Variants in ASTN2 observed in about 807,000 individuals in gnomAD.
ASTN2 encodes astrotactin 2, also known as astrotactin-2.
In ASTN2, 54 loss-of-function variants were observed where a neutral mutation model predicts 139.8. The ratio of observed to expected loss-of-function variants is 0.39; its 90% CI spans 0.31 to 0.48. The LOEUF is 0.48. ASTN2 is among the 20% of genes least tolerant of loss of function. The probability of loss-of-function intolerance (pLI) is 0.95; values close to 1 mark genes in which losing one functional copy is unlikely to be tolerated. For missense variants in ASTN2, 1,565 were observed against 1,725.1 expected, an observed-to-expected ratio of 0.91 and a Z score of 1.64; for synonymous variants, 756 against 719.5, an observed-to-expected ratio of 1.05 and a Z score of -0.81.
intron 19 of ASTN2, among the ~76,000 whole-genome samples, chr9:116,510,031 TTGGCTTTTGTTG>T (rs1850299587): frequency 6.6e-6 from 1 of 152,234 alleles, no homozygotes; most frequent in African/African-American, 2.4e-5. Flanking sequence ...TTTGTCATTT[TTGGCTTTTGTTG>T]CCATTGCTTT....
chr9:117,145,021 C>A (rs1239872797), intron 3 of ASTN2, among the ~76,000 whole-genome samples: 1 of 151,902 alleles, frequency 6.6e-6, no homozygotes, highest in Non-Finnish European at 1.5e-5. Flanking sequence ...CTCAGGGGTA[C>A]AAGTACAGGT....
chr9:117,025,858 C>T (rs1838058347), intron 6 of ASTN2, among the ~76,000 whole-genome samples: 1 of 149,040 alleles, frequency 6.7e-6, no homozygotes, highest in Non-Finnish European at 1.5e-5. Flanking sequence ...GTCGCGTGAT[C>T]TTGGCTCACT....
intron 10 of ASTN2, among the ~76,000 whole-genome samples, chr9:116,951,366 A>AAAAAAAC (rs1564357096): frequency 6.7e-6 from 1 of 149,414 alleles, no homozygotes; most frequent in Non-Finnish European, 1.5e-5. Flanking sequence ...AAAAAAAAAA[A>AAAAAAAC]AGATCTGTGG....
intron 2 of ASTN2, among the ~76,000 whole-genome samples, chr9:117,253,571 C>T (rs939867692): frequency 6.6e-6 from 1 of 152,182 alleles, no homozygotes; most frequent in South Asian, 2.1e-4. Context: ...CTGTGCCGGG[C>T]CTTTGCCTCC....
chr9:117,074,293 A>G (rs1218946649), intron 5 of ASTN2, among the ~76,000 whole-genome samples: 1 of 152,188 alleles, frequency 6.6e-6, no homozygotes, highest in Non-Finnish European at 1.5e-5. Flanking sequence ...GACTAACCAC[A>G]ATTTTAAGAA....
At chr9:117,146,029 G>A (rs17400793) in intron 3 of ASTN2, among the ~76,000 whole-genome samples, 19,580 of 152,106 alleles carry the variant, frequency 0.13, 1,552 homozygotes, top group Non-Finnish European at 0.18. Flanking sequence ...GGCTGCTCTT[G>A]CCTCAGTGAC....
At chr9:116,631,554 G>A (rs1170369987) in intron 17 of ASTN2, among the ~76,000 whole-genome samples, 1 of 139,544 alleles carries the variant, frequency 7.2e-6, no homozygotes, top group African/African-American at 2.7e-5. Flanking sequence ...GTAGTTACCA[G>A]AGCCTAGGAA....
chr9:117,404,345 C>G (rs993249808), intron 1 of ASTN2, among the ~76,000 whole-genome samples: 1 of 152,198 alleles, frequency 6.6e-6, no homozygotes, highest in Non-Finnish European at 1.5e-5. Context: ...AAAAGTCTCA[C>G]TCTAGCACAC....
chr9:117,178,259 CACAAGG>C, intron 3 of ASTN2, among the ~76,000 whole-genome samples: 1 of 152,164 alleles, frequency 6.6e-6, no homozygotes, highest in East Asian at 1.9e-4. Context: ...ATGAAAGCTC[CACAAGG>C]ACAAGTACTG....
rs1340071445 is a variant in ASTN2 at position 117,014,882 on chromosome 9, C to T, written c.1424-6623G>A. 2.0e-5 allele frequency among the ~76,000 whole-genome samples: 3 copies of T among 152,118 alleles called. No homozygotes were observed. The East Asian group carries it at 5.8e-4, about 29-fold the overall frequency. On this transcript the variant is annotated intron_variant, in intron 6 of 22. Coordinates refer to ENST00000313400, the MANE Select transcript of ASTN2 (RefSeq NM_001365068.1). ...CAGAAGAAACCAGCTCTGCTGACAC[C>T]ATGATCTCAAACTTCTAACCTCCAG... is the stretch of plus-strand genomic sequence containing the variant.
At chr9:117,324,216 G>A (rs998437977) in intron 1 of ASTN2, among the ~76,000 whole-genome samples, 10 of 152,136 alleles carry the variant, frequency 6.6e-5, no homozygotes, top group Admixed American at 6.5e-4. Context: ...AAAGAGAAAG[G>A]ACAAAAGTGT....
At chr9:116,918,444 G>A (rs1472103278) in intron 10 of ASTN2, among the ~76,000 whole-genome samples, 1 of 152,154 alleles carries the variant, frequency 6.6e-6, no homozygotes, top group Non-Finnish European at 1.5e-5. Flanking sequence ...AATGTAAACA[G>A]GTCACCATTC....
In ASTN2 at chr9:116,850,243, T is replaced by C. The variant is rs576501453; in HGVS notation, c.2040+13340A>G. Among the ~76,000 whole-genome samples, 4 of 152,368 alleles carry C rather than the reference T, an allele frequency of 2.6e-5. No individual in the cohort carries two copies. The East Asian group carries it at 7.7e-4, about 29-fold the overall frequency. On this transcript the variant is annotated intron_variant, in intron 11 of 22. Transcript: ENST00000313400. ...AGGCCTCCCCAGTAGCCTGTCTGACTGTTCTCTACATGCTATTTACTGAGT... is the reference window on the plus strand; with the variant it reads ...AGGCCTCCCCAGTAGCCTGTCTGACCGTTCTCTACATGCTATTTACTGAGT...
intron 19 of ASTN2, among the ~76,000 whole-genome samples, chr9:116,533,689 C>G (rs1431989925): frequency 1.3e-5 from 2 of 152,160 alleles, no homozygotes; most frequent in Non-Finnish European, 1.5e-5. Context: ...GTTGAACCAG[C>G]CTTGCATCCC....
intron 3 of ASTN2, among the ~76,000 whole-genome samples, chr9:117,164,874 C>A (rs1354377396): frequency 6.6e-6 from 1 of 152,070 alleles, no homozygotes; most frequent in Non-Finnish European, 1.5e-5. Flanking sequence ...TCCATGTGGG[C>A]ACTGTACTAA....
chr9:117,385,559 G>A (rs946591589), intron 1 of ASTN2, among the ~76,000 whole-genome samples: 2 of 152,094 alleles, frequency 1.3e-5, no homozygotes, highest in African/African-American at 4.8e-5. Flanking sequence ...GTACAGACAA[G>A]AGTGAGGGGA....
intron 1 of ASTN2, among the ~76,000 whole-genome samples, chr9:117,297,393 A>G (rs1834762772): frequency 6.6e-6 from 1 of 152,202 alleles, no homozygotes; most frequent in Non-Finnish European, 1.5e-5. Context: ...TTGCTGAGTG[A>G]GCCTGGGAAA....
chr9:116,795,225 G>A (rs985298482), intron 13 of ASTN2, among the ~76,000 whole-genome samples: 22 of 152,080 alleles, frequency 1.4e-4, no homozygotes, highest in African/African-American at 4.8e-4. Context: ...TGATCCACCC[G>A]CCTCGGCTTC....
intron 4 of ASTN2, among the ~76,000 whole-genome samples, chr9:117,098,065 G>C (rs1041061042): frequency 3.9e-5 from 6 of 152,184 alleles, no homozygotes; most frequent in African/African-American, 1.2e-4. Flanking sequence ...GACTAGGAGA[G>C]TTAAGCTTCG....
Sources: gnomAD v4.1 joint callset for allele counts (sites outside exome capture counted in the v4.1 genomes callset) on GRCh38, gnomAD v4.1.1 for gene constraint, MANE v1.5 for transcripts, NCBI Gene and HGNC (gene_info 2026-07-23, HGNC 2026-07-21) for gene names.